Variants in PNPT1 observed in about 807,000 individuals in gnomAD.
PNPT1 encodes the protein polyribonucleotide nucleotidyltransferase 1, also known as polyribonucleotide nucleotidyltransferase 1, mitochondrial.
In PNPT1, 53 loss-of-function variants were observed where a neutral mutation model predicts 119.5. The ratio of observed to expected loss-of-function variants is 0.44; its 90% CI spans 0.36 to 0.56. PNPT1 has a LOEUF of 0.56. Among genes scored for constraint, PNPT1 ranks in the 20% least tolerant of loss-of-function variants. The pLI is 0.00. For synonymous variants in PNPT1, 357 were observed against 322.1 expected, an observed-to-expected ratio of 1.11 and a Z score of -1.16; for missense variants, 948 against 938.5, an observed-to-expected ratio of 1.01 and a Z score of -0.13.
chr2:55,690,330 C>T (rs1697550413), intron 1 of PNPT1, among the ~76,000 whole-genome samples: 1 of 98,258 alleles, frequency 1.0e-5, no homozygotes, highest in African/African-American at 4.2e-5. Flanking sequence ...GAAACCAAGT[C>T]AGTGACCCCT....
chr2:55,692,272 T>C (rs1697641435), intron 1 of PNPT1, among the ~76,000 whole-genome samples: 2 of 152,122 alleles, frequency 1.3e-5, no homozygotes, highest in Non-Finnish European at 2.9e-5. Flanking sequence ...TCTGGTCCTT[T>C]ATAGAAAAGT....
intron 5 of PNPT1, among the ~76,000 whole-genome samples, chr2:55,682,629 C>T (rs1002094295): frequency 2.6e-5 from 4 of 151,906 alleles, no homozygotes; most frequent in South Asian, 2.1e-4. Context: ...CTTCAGTGAC[C>T]GGGTGTGGTG....
At chr2:55,662,879 GA>G in intron 13 of PNPT1, among the ~76,000 whole-genome samples, 1 of 131,918 alleles carries the variant, frequency 7.6e-6, no homozygotes, top group East Asian at 3.1e-4. Flanking sequence ...GCAGACAAAA[GA>G]TTTTTTTTTT....
chr2:55,693,594 G>A (rs773826997), intron 1 of PNPT1, 69 bp downstream of exon 1: 90 of 1,583,116 alleles, frequency 5.7e-5, no homozygotes, highest in Middle Eastern at 5.0e-4. Context: ...TACCCTGGGA[G>A]ATGAATACGC....
chr2:55,669,237 G>A (rs1171831103), intron 11 of PNPT1, among the ~76,000 whole-genome samples: 2 of 152,158 alleles, frequency 1.3e-5, no homozygotes, highest in Admixed American at 6.5e-5. Context: ...CACACAGGTA[G>A]TAACTGATAC....
chr2:55,649,275 T>C lies in PNPT1; in HGVS notation c.1496-1822A>G, dbSNP rs1696097035. On this transcript the variant is annotated intron_variant, in intron 18 of 27. Coordinates refer to ENST00000447944, the MANE Select transcript of PNPT1 (RefSeq NM_033109.5). ...GCAATATATTGAGACCTCATCTCTA[T>C]AAATAATAATAATGATGATGATGAA... 2.0e-5 allele frequency among the ~76,000 whole-genome samples: 3 copies of C among 152,272 alleles called. No individual in the cohort carries two copies. The South Asian group carries it at 6.2e-4, about 32-fold the overall frequency.
rs1452784387 is a variant in PNPT1 at position 55,646,490 on chromosome 2, C to G, written c.1603-4G>C. On this transcript the variant is annotated splice_region_variant and splice_polypyrimidine_tract_variant and intron_variant, in intron 19 of 27. Transcript: ENST00000447944. Reference sequence around the variant, plus strand: ...CACCATTGTAATCTTCAATTCCCTTCAGGAATTTAAAAAGTTATGACATAG... The same window carrying G: ...CACCATTGTAATCTTCAATTCCCTTGAGGAATTTAAAAAGTTATGACATAG... 2 of 1,600,224 alleles carry G rather than the reference C, an allele frequency of 1.2e-6. No homozygotes were observed. The highest frequency in any genetic ancestry group is 8.5e-7 in the Non-Finnish European group (1 of 1,174,686).
chr2:55,636,266 T>C lies in PNPT1; in HGVS notation c.2323A>G (p.Ile775Val). The C allele has an allele frequency of 1.2e-6, 2 of 1,612,562 alleles. No homozygotes were observed. Among genetic ancestry groups the C allele is most frequent in the Non-Finnish European group, 8.5e-7 (1 of 1,179,000 alleles). ...TGAGAATTAGATGATGACTGTGAAA[T>C]AGGTTCTCCCATTACAATACTACTT... ...DRSSIVMGEP[I>V]SQSSSNSQ is the part of the protein sequence containing the mutation. The change falls in exon 28 of 28, where the codon ATT becomes GTT. Residue 775 changes from isoleucine (I) to valine (V), a missense_variant. Transcript: ENST00000447944.
intron 9 of PNPT1, 109 bp from the exon 10 acceptor site, chr2:55,672,155 A>G: frequency 1.3e-6 from 1 of 783,734 alleles, no homozygotes; most frequent in South Asian, 1.9e-5. Context: ...AAACTTTAAT[A>G]AATACTTCAG....
chr2:55,687,642 T>A lies in PNPT1; in HGVS notation c.222+3A>T. The A allele has an allele frequency of 6.4e-7, 1 of 1,572,604 alleles. No individual in the cohort carries two copies. The highest frequency in any genetic ancestry group is 2.3e-5 in the East Asian group (1 of 43,752). On this transcript the variant is annotated splice_donor_region_variant and intron_variant, in intron 2 of 27. Coordinates refer to ENST00000447944, the MANE Select transcript of PNPT1 (RefSeq NM_033109.5). ...ATGAATTTTAAAAATCTGGACTTTT[T>A]ACCTGTACTACAGCAGAGCCATCTG...
chr2:55,655,802 G>T (rs1444922634), intron 17 of PNPT1, among the ~76,000 whole-genome samples: 1 of 152,124 alleles, frequency 6.6e-6, no homozygotes, highest in South Asian at 2.1e-4. Flanking sequence ...TATGTGACAG[G>T]TATCTCCTGC....
At chr2:55,660,962 C>A (rs890896924) in intron 14 of PNPT1, among the ~76,000 whole-genome samples, 1 of 152,086 alleles carries the variant, frequency 6.6e-6, no homozygotes, top group Non-Finnish European at 1.5e-5. Context: ...GAGGGCCGAG[C>A]CTTGTGGTCT....
At chr2:55,680,669 A>G (rs1201097021) in intron 7 of PNPT1, 43 bp downstream of exon 7, 1 of 1,572,450 alleles carries the variant, frequency 6.4e-7, no homozygotes, top group Admixed American at 1.8e-5. Flanking sequence ...TTACTGAAAA[A>G]AAAAATACAC....
chr2:55,684,305 A>C (rs782571), intron 4 of PNPT1, among the ~76,000 whole-genome samples: 142,334 of 152,272 alleles, frequency 0.93, 67,103 homozygotes, highest in African/African-American at 0.98. Flanking sequence ...GCCTGACCAA[A>C]ATGGAGAAAC....
rs532500568 is a variant in PNPT1, at chr2:55,637,603, G to GA, written c.2149-5dup. Reference sequence around the variant, plus strand: ...CTAGGGCAGTAGGATGTTTAATCTGGAAAAAAAAATGTTAATCTATTAGTT... The same window carrying GA: ...CTAGGGCAGTAGGATGTTTAATCTGGAAAAAAAAAATGTTAATCTATTAGTT... On this transcript the variant is annotated splice_region_variant and splice_polypyrimidine_tract_variant and intron_variant, in intron 26 of 27. Coordinates refer to ENST00000447944, the MANE Select transcript of PNPT1 (RefSeq NM_033109.5). The GA allele has an allele frequency of 4.6e-3, 7,133 of 1,564,268 alleles. 21 individuals carry two copies. Among genetic ancestry groups the GA allele is most frequent in the Admixed American group, 8.3e-3 (484 of 58,170 alleles).
chr2:55,686,342 C>T (rs761663095), intron 3 of PNPT1, 28 bp downstream of exon 3: 23 of 1,569,764 alleles, frequency 1.5e-5, no homozygotes, highest in Non-Finnish European at 1.8e-5. Context: ...GACCATATTA[C>T]AGTTCAGATA....
At chr2:55,692,622 TAGAA>T (rs1452133605) in intron 1 of PNPT1, among the ~76,000 whole-genome samples, 1 of 152,200 alleles carries the variant, frequency 6.6e-6, no homozygotes, top group Non-Finnish European at 1.5e-5. Context: ...TATAGACTCT[TAGAA>T]AGTTATCTAA....
intron 27 of PNPT1, 27 bp downstream of exon 27, chr2:55,637,525 C>T: frequency 2.5e-6 from 4 of 1,569,590 alleles, no homozygotes; most frequent in Non-Finnish European, 3.5e-6. Flanking sequence ...TTTACAACTT[C>T]AAGGCTAAAA....
rs1169880957 is a variant in PNPT1, at chr2:55,655,060, CA to C, written c.1442-108del. ...AATATTCAGTTACAATACAAATATT[CA>C]ATAGTCTCTTCTTTTTAAAAGCAAC... On this transcript the variant is annotated intron_variant, in intron 17 of 27. Coordinates refer to ENST00000447944, the MANE Select transcript of PNPT1 (RefSeq NM_033109.5). 2 of 1,069,566 alleles carry C rather than the reference CA, an allele frequency of 1.9e-6. 1 individual carries two copies. Among genetic ancestry groups the C allele is most frequent in the South Asian group, 3.1e-5 (2 of 64,924 alleles). 66.3% of individuals were successfully genotyped at this position (1,069,566 alleles called of 1,614,324 possible).
Sources: allele counts gnomAD v4.1 joint callset (sites outside exome capture counted in the v4.1 genomes callset), GRCh38; gene constraint gnomAD v4.1.1; transcripts MANE v1.5; gene names NCBI Gene and HGNC (gene_info 2026-07-23, HGNC 2026-07-21).